Variants in ZNF296 observed in about 807,000 individuals in gnomAD.
The protein encoded by ZNF296 is zinc finger protein 296.
ZNF296 carries 1 observed loss-of-function variant against 13.2 expected under a neutral mutation model. The ratio of observed to expected loss-of-function variants is 0.08; its 90% confidence interval spans 0.03 to 0.36. The LOEUF (loss-of-function observed/expected upper bound fraction) is 0.36. Among genes scored for constraint, ZNF296 ranks in the 10% least tolerant of loss-of-function variants. ZNF296 has a pLI of 0.99. For synonymous variants in ZNF296, 303 were observed against 289.0 expected (o/e 1.05, Z -0.49); for missense variants, 555 against 688.2 (o/e 0.81, Z 2.16).
chr19:45,074,326 A>G (rs953985984), intron 2 of ZNF296, among the ~76,000 whole-genome samples: 2 of 152,182 alleles, frequency 1.3e-5, no homozygotes, highest in Non-Finnish European at 2.9e-5. Flanking sequence ...GCACCACAGC[A>G]CTCCAGCCTG....
In ZNF296 at chr19:45,072,444, C is replaced by T. The variant is rs143293800; in HGVS notation, c.585G>A (p.Pro195=). 5.4e-5 allele frequency: 87 copies of T among 1,612,656 alleles called. No individual in the cohort carries two copies. The highest frequency in any genetic ancestry group is 6.6e-5 in the Non-Finnish European group (78 of 1,179,812). ...CAGCCACCTCGGCCAGGCCCAGGAGCGGGGCCTCCGGGGCCTCTGATTCTG... is the reference window on the plus strand; with the variant it reads ...CAGCCACCTCGGCCAGGCCCAGGAGTGGGGCCTCCGGGGCCTCTGATTCTG... ...YQTESEAPEA[P]LLGLAEVAAA... The change falls in exon 3 of 3, where the codon CCG becomes CCA. Residue 195 remains proline (P), a synonymous_variant. Coordinates refer to ENST00000303809, the MANE Select transcript of ZNF296 (RefSeq NM_145288.3).
chr19:45,071,528 AGGC>A lies in ZNF296; in HGVS notation c.*70_*72del, dbSNP rs1229693237. On this transcript the variant is annotated 3_prime_UTR_variant, in exon 3 of 3. Transcript: ENST00000303809. ...ATAAAAGGGAAAATTTACTTGGAGAAGGCGGGCAAAAACGAGGAGGTCAATGGG... is the reference window on the plus strand; with the variant it reads ...ATAAAAGGGAAAATTTACTTGGAGAAGGGCAAAAACGAGGAGGTCAATGGG... The A allele has an allele frequency of 4.0e-6, 6 of 1,489,898 alleles. No individual in the cohort carries two copies. Among genetic ancestry groups the A allele is most frequent in the Non-Finnish European group, 5.3e-6 (6 of 1,128,036 alleles). 92.3% of individuals were successfully genotyped at this position (1,489,898 alleles called of 1,614,324 possible). A position where few individuals can be genotyped will look rare whatever the true frequency, so the allele number is the denominator to read the frequency against.
Position 45,076,414 on chromosome 19 carries a change from A to AAGCG in ZNF296, c.-42_-41insCGCT, listed in dbSNP as rs1555735052. 8.2e-7 allele frequency: 1 copy of AAGCG among 1,218,084 alleles called. No individual in the cohort carries two copies. The highest frequency in any genetic ancestry group is 1.6e-5 in the African/African-American group (1 of 63,424). The allele number at this position is 1,218,084 out of a possible 1,614,324, so 75.5% of individuals were successfully genotyped here. A position where few individuals can be genotyped will look rare whatever the true frequency, so the allele number is the denominator to read the frequency against. ...CGAGCGAGCGGGCGGGCAGGCAGGC[A>AAGCG]GGCGGGCGGGCGGAGGACGCACGAG... On this transcript the variant is annotated 5_prime_UTR_variant, in exon 1 of 3. Coordinates refer to ENST00000303809, the MANE Select transcript of ZNF296 (RefSeq NM_145288.3). The surrounding 1 kb of genome is among the most constrained non-coding windows in gnomAD (Gnocchi z 4.9).
At chr19:45,072,992 TCCAC>T (rs1967285066) in intron 2 of ZNF296, among the ~76,000 whole-genome samples, 1 of 152,162 alleles carries the variant, frequency 6.6e-6, no homozygotes, top group Admixed American at 6.5e-5. Flanking sequence ...CCTCAAGTGA[TCCAC>T]CCACCTCGGC....
intron 2 of ZNF296, among the ~76,000 whole-genome samples, chr19:45,074,625 A>G (rs1194338128): frequency 6.6e-6 from 1 of 152,178 alleles, no homozygotes; most frequent in African/African-American, 2.4e-5. Flanking sequence ...ATTCAAATTC[A>G]GACTTCTCTG....
rs375113306 is a variant in ZNF296, at chr19:45,071,556, G to A, written c.*45C>T. 8.0e-6 allele frequency: 12 copies of A among 1,499,758 alleles called. No homozygotes were observed. Among genetic ancestry groups the A allele is most frequent in the Admixed American group, 2.3e-5 (1 of 43,798 alleles). The allele number at this position is 1,499,758 out of a possible 1,614,324, so 92.9% of individuals were successfully genotyped here. On this transcript the variant is annotated 3_prime_UTR_variant, in exon 3 of 3. Coordinates refer to ENST00000303809, the MANE Select transcript of ZNF296 (RefSeq NM_145288.3). ...CGGGCAAAAACGAGGAGGTCAATGG[G>A]TGTTGGCAGCGGTACCAGGGACAGT...
rs756653209 is a variant in ZNF296, at chr19:45,072,344, G to A, written c.685C>T (p.Arg229Trp). The A allele has an allele frequency of 4.3e-6, 7 of 1,612,456 alleles. No individual in the cohort carries two copies. The highest frequency in any genetic ancestry group is 1.3e-5 in the African/African-American group (1 of 74,912). The change falls in exon 3 of 3, where the codon CGG (arginine) becomes TGG (tryptophan). Residue 229 changes from arginine (R) to tryptophan (W), a missense_variant. Transcript: ENST00000303809. ...TTGCACACAGGACAGGTGGGGCTCCGCCGGGTGAGGCCGCTGCCACTTGCA... is the reference window on the plus strand; with the variant it reads ...TTGCACACAGGACAGGTGGGGCTCCACCGGGTGAGGCCGCTGCCACTTGCA... Reference protein sequence around the residue: ...PRASGSGLTRRSPTCPVCKKT... With the variant: ...PRASGSGLTRWSPTCPVCKKT...
chr19:45,073,768 C>T (rs945949228), intron 2 of ZNF296, among the ~76,000 whole-genome samples: 3 of 151,376 alleles, frequency 2.0e-5, no homozygotes, highest in African/African-American at 7.3e-5. Flanking sequence ...TCACACCTGT[C>T]ATCCCAGCAC....
rs370809136 is a variant in ZNF296, at chr19:45,072,153, G to C, written c.876C>G (p.Ala292=). ...RQVPPQSPLM[A]DTSQEQASAA... ...CAGAGGCCTGCTCCTGGCTGGTGTC[G>C]GCCATGAGGGGGCTCTGGGGCGGCA... is the stretch of plus-strand genomic sequence containing the variant. Residue 292 remains alanine (A), a synonymous_variant, in exon 3 of 3, where the codon GCC becomes GCG. Coordinates refer to ENST00000303809, the MANE Select transcript of ZNF296 (RefSeq NM_145288.3). The C allele has an allele frequency of 3.0e-5, 48 of 1,602,784 alleles. No homozygotes were observed. The highest frequency in any genetic ancestry group is 3.8e-5 in the Non-Finnish European group (45 of 1,174,170).
rs1223852326 is a variant in ZNF296 at position 45,075,823 on chromosome 19, G to A, written c.338C>T (p.Thr113Ile). The change falls in exon 2 of 3, where the codon ACC becomes ATC. Residue 113 changes from threonine to isoleucine, a missense_variant. By Grantham distance (89) the Thr-to-Ile change is moderately conservative. Transcript: ENST00000303809. ...GAAGGTCTGCAGGCAGCGGCCGCAG[G>A]TCAACAGATCTGGGTGTTTGTCGGT... ...PWTDKHPDLL[T>I]CGRCLQTFPL... 2 of 1,614,150 alleles carry A rather than the reference G, an allele frequency of 1.2e-6. No homozygotes were observed. The highest frequency in any genetic ancestry group is 3.3e-5 in the Admixed American group (2 of 60,014).
At chr19:45,074,134 G>A (rs1194308925) in intron 2 of ZNF296, among the ~76,000 whole-genome samples, 1 of 152,080 alleles carries the variant, frequency 6.6e-6, no homozygotes, top group South Asian at 2.1e-4. Context: ...CAAGGCAGGT[G>A]GACCACCTGA....
At position 45,075,714 on chromosome 19, in the gene ZNF296, T is replaced by A. The variant is rs775782908; in HGVS notation, c.447A>T (p.Ser149=). 1 of 1,613,898 alleles carries A rather than the reference T, an allele frequency of 6.2e-7. No individual in the cohort carries two copies. The highest frequency in any genetic ancestry group is 1.7e-5 in the Admixed American group (1 of 60,022). Residue 149 remains serine, a splice_region_variant and synonymous_variant, in exon 2 of 3, where the codon TCA becomes TCT. Transcript: ENST00000303809. ...GGGACTGCACCCGGCTTTACTCACC[T>A]GAGCCCTGGCCGCGGCTGGGGCCTC... ...LFRGPSRGQG[S]EREELKALSC...
chr19:45,071,552 ATGGGTG>A lies in ZNF296; in HGVS notation c.*43_*48del. ...AAGGCGGGCAAAAACGAGGAGGTCA[ATGGGTG>A]TTGGCAGCGGTACCAGGGACAGTGA... On this transcript the variant is annotated 3_prime_UTR_variant, in exon 3 of 3. Coordinates refer to ENST00000303809, the MANE Select transcript of ZNF296 (RefSeq NM_145288.3). 6.7e-7 allele frequency: 1 copy of A among 1,497,266 alleles called. No homozygotes were observed. The highest frequency in any genetic ancestry group is 2.3e-5 in the East Asian group (1 of 43,786). 92.7% of individuals were successfully genotyped at this position (1,497,266 alleles called of 1,614,324 possible). A position where few individuals can be genotyped will look rare whatever the true frequency, so the allele number is the denominator to read the frequency against.
rs1380603731 is a variant in ZNF296 at position 45,074,016 on chromosome 19, CTG to C, written c.449-1438_449-1437del. Among the ~76,000 whole-genome samples the C allele has an allele frequency of 5.4e-5, 8 of 149,432 alleles. No individual in the cohort carries two copies. The South Asian group carries it at 1.3e-3, about 24-fold the overall frequency. ...CAGCCTGGGTGACAAAAGCGAGACT[CTG>C]TTTCAAAAAAAAAAATTTTTTTTGG... On this transcript the variant is annotated intron_variant, in intron 2 of 2. Transcript: ENST00000303809.
At chr19:45,074,823 C>T (rs889732203) in intron 2 of ZNF296, among the ~76,000 whole-genome samples, 3 of 152,206 alleles carry the variant, frequency 2.0e-5, no homozygotes, top group African/African-American at 4.8e-5. Flanking sequence ...CCATGATTCT[C>T]CAAGCCCTGT....
At chr19:45,072,701 GGACCAGGAAGCT>G in intron 2 of ZNF296, 121 bp from the exon 3 acceptor site, 1 of 1,270,680 alleles carries the variant, frequency 7.9e-7, no homozygotes, top group East Asian at 2.5e-5. Flanking sequence ...CACCCTGGAA[GGACCAGGAAGCT>G]GACGCTCAGA....
Position 45,076,351 on chromosome 19 carries a change from C to A in ZNF296, c.23G>T (p.Ser8Ile). Residue 8 changes from serine to isoleucine, a missense_variant, in exon 1 of 3, where the codon AGC (serine) becomes ATC (isoleucine). Physicochemically the swap from Ser to Ile is moderately radical, Grantham distance 142 (BLOSUM62 -2). Coordinates refer to ENST00000303809, the MANE Select transcript of ZNF296 (RefSeq NM_145288.3). This position sits in a 1 kb window ranked among gnomAD's most constrained non-coding sequence, Gnocchi z 4.9. MSRRKAG[S>I]APRRVEPAPA... ...CGCGGGCTCTACTCGGCGGGGCGCG[C>A]TGCCGGCCTTGCGGCGGGACATGAG... The A allele has an allele frequency of 7.4e-7, 1 of 1,355,978 alleles. No individual in the cohort carries two copies. Among genetic ancestry groups the A allele is most frequent in the Non-Finnish European group, 9.5e-7 (1 of 1,051,180 alleles). The allele number at this position is 1,355,978 out of a possible 1,614,324, so 84.0% of individuals were successfully genotyped here. A position where few individuals can be genotyped will look rare whatever the true frequency, so the allele number is the denominator to read the frequency against.
chr19:45,072,384 C>T lies in ZNF296; in HGVS notation c.645G>A (p.Glu215=). Residue 215 remains glutamate (E), a synonymous_variant, in exon 3 of 3, where the codon GAG becomes GAA. Coordinates refer to ENST00000303809, the MANE Select transcript of ZNF296 (RefSeq NM_145288.3). ...AVSAVVGPAA[E]AKSPRASGSG... is the part of the protein sequence containing the mutation. ...TGCCACTTGCACGGGGGCTCTTGGC[C>T]TCAGCTGCTGGCCCCACCACTGCCG... is the stretch of plus-strand genomic sequence containing the variant. 1.2e-6 allele frequency: 2 copies of T among 1,612,354 alleles called. No individual in the cohort carries two copies. The highest frequency in any genetic ancestry group is 1.7e-6 in the Non-Finnish European group (2 of 1,179,704).
chr19:45,075,681 T>A, intron 2 of ZNF296, 32 bp downstream of exon 2: 1 of 1,606,962 alleles, frequency 6.2e-7, no homozygotes, highest in South Asian at 1.1e-5. Context: ...GCCCTCGAAC[T>A]TGAGAGGGGG....
Sources: allele counts gnomAD v4.1 joint callset (sites outside exome capture counted in the v4.1 genomes callset), GRCh38; gene constraint gnomAD v4.1.1; non-coding constraint Gnocchi (gnomAD v3.1); transcripts MANE v1.5; gene names NCBI Gene and HGNC (gene_info 2026-07-23, HGNC 2026-07-21).